Variants in GPC5 observed in about 807,000 individuals in gnomAD.
GPC5 encodes the protein glypican-5.
In GPC5, 47 loss-of-function variants were observed where a neutral mutation model predicts 53.9. The observed-to-expected ratio is 0.87, with a 90% CI of 0.69 to 1.11. The LOEUF (loss-of-function observed/expected upper bound fraction) is 1.11. Among genes scored for constraint, GPC5 ranks in the 50% most tolerant of loss-of-function variants. The pLI is 0.00. For missense variants in GPC5, 748 were observed against 713.1 expected, an observed-to-expected ratio of 1.05 and a Z score of -0.56; for synonymous variants, 286 against 263.3, an observed-to-expected ratio of 1.09 and a Z score of -0.84.
At chr13:91,763,172 G>A (rs369911041) in intron 5 of GPC5, among the ~76,000 whole-genome samples, 2 of 152,080 alleles carry the variant, frequency 1.3e-5, no homozygotes, top group African/African-American at 2.4e-5. Flanking sequence ...TGGGTAATAC[G>A]TGGGTCCAAA....
chr13:91,550,685 G>A (rs1017466250), intron 2 of GPC5, among the ~76,000 whole-genome samples: 4 of 152,006 alleles, frequency 2.6e-5, no homozygotes, highest in African/African-American at 9.7e-5. Context: ...ATTTTTCTGA[G>A]ATCTAGTGAT....
chr13:91,916,791 T>TA (rs2039663748), intron 6 of GPC5, among the ~76,000 whole-genome samples: 1 of 152,060 alleles, frequency 6.6e-6, no homozygotes, highest in African/African-American at 2.4e-5. Context: ...GCCAGACACT[T>TA]ATAAAACCAT....
intron 7 of GPC5, among the ~76,000 whole-genome samples, chr13:92,290,879 G>A (rs1468246974): frequency 6.6e-6 from 1 of 152,178 alleles, no homozygotes; most frequent in Non-Finnish European, 1.5e-5. Flanking sequence ...CTTGCGGGGA[G>A]GTGTGGAGGG....
intron 2 of GPC5, among the ~76,000 whole-genome samples, chr13:91,573,948 C>T (rs1416195042): frequency 6.6e-6 from 1 of 152,096 alleles, no homozygotes; most frequent in Non-Finnish European, 1.5e-5. Flanking sequence ...GTATCTATTT[C>T]TAGTTTGTCA....
chr13:92,476,669 A>G (rs1470437059), intron 7 of GPC5, among the ~76,000 whole-genome samples: 4 of 149,382 alleles, frequency 2.7e-5, no homozygotes, highest in African/African-American at 1.0e-4. Context: ...GATAGACTGG[A>G]TTAAGAAAAT....
At chr13:92,675,872 AGAAAT>A (rs1408551488) in intron 7 of GPC5, among the ~76,000 whole-genome samples, 2 of 152,292 alleles carry the variant, frequency 1.3e-5, no homozygotes, top group African/African-American at 4.8e-5. Context: ...ATTATTTATT[AGAAAT>A]GACTGCTGCC....
intron 6 of GPC5, among the ~76,000 whole-genome samples, chr13:92,036,664 A>T (rs2040895366): frequency 6.6e-6 from 1 of 152,218 alleles, no homozygotes; most frequent in Non-Finnish European, 1.5e-5. Flanking sequence ...CTCAACATGG[A>T]TGTCAAAGTA....
chr13:92,495,134 C>G (rs1879922395), intron 7 of GPC5, among the ~76,000 whole-genome samples: 1 of 152,152 alleles, frequency 6.6e-6, no homozygotes, highest in South Asian at 2.1e-4. Flanking sequence ...GTAACTTCCT[C>G]TCAGCACGCT....
At chr13:92,592,048 C>T (rs1189919611) in intron 7 of GPC5, among the ~76,000 whole-genome samples, 1 of 152,206 alleles carries the variant, frequency 6.6e-6, no homozygotes, top group Non-Finnish European at 1.5e-5. Context: ...TGAAGACAGG[C>T]TTTGAAAGCC....
chr13:92,355,659 A>C (rs2043515298), intron 7 of GPC5, among the ~76,000 whole-genome samples: 1 of 152,110 alleles, frequency 6.6e-6, no homozygotes, highest in African/African-American at 2.4e-5. Context: ...CTACCTACAT[A>C]ATGAATTCAA....
intron 2 of GPC5, among the ~76,000 whole-genome samples, chr13:91,584,021 A>G (rs1369599410): frequency 6.6e-6 from 1 of 152,202 alleles, no homozygotes; most frequent in Non-Finnish European, 1.5e-5. Context: ...GAAGCCATCA[A>G]GAGGCCCAAA....
chr13:92,281,128 G>A lies in GPC5; in HGVS notation c.1561+136139G>A, dbSNP rs181515753. ...CCGTGCCTGGCTCAGAGGGTCCCACGCCCACGGAGCCTCGCTCATTGCTAG... is the reference window on the plus strand; with the variant it reads ...CCGTGCCTGGCTCAGAGGGTCCCACACCCACGGAGCCTCGCTCATTGCTAG... On this transcript the variant is annotated intron_variant, in intron 7 of 7. Transcript: ENST00000377067. Among the ~76,000 whole-genome samples the A allele has an allele frequency of 7.2e-5, 11 of 152,274 alleles. No homozygotes were observed. In the East Asian group the frequency reaches 1.5e-3, roughly 21 times the overall value.
intron 7 of GPC5, among the ~76,000 whole-genome samples, chr13:92,463,997 T>C (rs959952921): frequency 1.3e-5 from 2 of 152,208 alleles, no homozygotes; most frequent in South Asian, 2.1e-4. Context: ...ATAGCTATTA[T>C]ATGTTAGGTA....
intron 7 of GPC5, among the ~76,000 whole-genome samples, chr13:92,232,341 C>T (rs1370699800): frequency 1.3e-5 from 2 of 152,086 alleles, no homozygotes; most frequent in Non-Finnish European, 2.9e-5. Context: ...AGTCAAATTA[C>T]TATGTTTTAA....
In GPC5 at chr13:92,183,361, C is replaced by CT. The variant is rs113419496; in HGVS notation, c.1561+38379dup. Among the ~76,000 whole-genome samples, 58 of 152,050 alleles carry CT rather than the reference C, an allele frequency of 3.8e-4. 1 individual carries two copies. Among genetic ancestry groups the CT allele is most frequent in the Non-Finnish European group, 7.7e-4 (52 of 67,972 alleles). On this transcript the variant is annotated intron_variant, in intron 7 of 7. Coordinates refer to ENST00000377067, the MANE Select transcript of GPC5 (RefSeq NM_004466.6). ...TGGGATAGGTGGGTGAGGTCAGCTG[C>CT]TTTTTTTCTTTTTTTTATGTAGATA...
chr13:91,633,907 C>T (rs2034221692), intron 2 of GPC5, among the ~76,000 whole-genome samples: 1 of 152,080 alleles, frequency 6.6e-6, no homozygotes, highest in Non-Finnish European at 1.5e-5. Context: ...TTAGCTCAAC[C>T]TACTCATACT....
chr13:91,639,902 A>G (rs1351218072), intron 2 of GPC5, among the ~76,000 whole-genome samples: 1 of 152,212 alleles, frequency 6.6e-6, no homozygotes, highest in East Asian at 1.9e-4. Context: ...GAGATTAAAT[A>G]TAAAGTAAAA....
intron 3 of GPC5, among the ~76,000 whole-genome samples, chr13:91,712,354 T>TTATATATGTGTGTA (rs568904739): frequency 3.3e-5 from 5 of 151,558 alleles, no homozygotes; most frequent in Admixed American, 6.6e-5. Context: ...GTGTGTGTAT[T>TTATATATGTGTGTA]TATATATGTG....
intron 7 of GPC5, among the ~76,000 whole-genome samples, chr13:92,413,802 G>C: frequency 6.6e-6 from 1 of 152,298 alleles, no homozygotes; most frequent in Non-Finnish European, 1.5e-5. Flanking sequence ...GCAAAAGCAG[G>C]ATGAGAAGAG....
Sources: gnomAD v4.1 joint callset for allele counts (sites outside exome capture counted in the v4.1 genomes callset) on GRCh38, gnomAD v4.1.1 for gene constraint, MANE v1.5 for transcripts, NCBI Gene and HGNC (gene_info 2026-07-23, HGNC 2026-07-21) for gene names.